Variants in PDGFD observed in about 807,000 individuals in gnomAD.
PDGFD encodes platelet derived growth factor D.
A neutral mutation model predicts 44.7 loss-of-function variants in PDGFD; 30 were observed. The ratio of observed to expected loss-of-function variants is 0.67; its 90% CI spans 0.50 to 0.91. The LOEUF (loss-of-function observed/expected upper bound fraction) is 0.91, where lower values mean the gene tolerates loss of function less well. Among genes scored for constraint, PDGFD ranks in the 40% least tolerant of loss-of-function variants. The probability of loss-of-function intolerance (pLI) is 0.00; values close to 1 mark genes in which losing one functional copy is unlikely to be tolerated. For missense variants in PDGFD, 445 were observed against 457.8 expected, an observed-to-expected ratio of 0.97 and a Z score of 0.25; for synonymous variants, 173 against 168.4, an observed-to-expected ratio of 1.03 and a Z score of -0.21.
chr11:103,943,739 C>G, intron 4 of PDGFD, 89 bp from the exon 5 acceptor site: 1 of 1,113,316 alleles, frequency 9.0e-7, no homozygotes, highest in Non-Finnish European at 1.3e-6. Flanking sequence ...GGAACATAAA[C>G]AGGCTTCTGA....
chr11:104,039,463 GTA>G (rs200249428), intron 1 of PDGFD, among the ~76,000 whole-genome samples: 4,302 of 151,998 alleles, frequency 0.028, 109 homozygotes, highest in East Asian at 0.14. Context: ...TTGCTTCTTG[GTA>G]ATACTAATCA....
Position 104,027,264 on chromosome 11 carries a change from G to T in PDGFD, c.125-27009C>A, listed in dbSNP as rs115411856. On this transcript the variant is annotated intron_variant, in intron 1 of 6. Transcript: ENST00000393158. The stretch of plus-strand genomic sequence containing the variant: ...ATCCTGGAATGAATGCAAGGTTGAA[G>T]GCAGCTGTGACAGTTCTGACAGCAC... 2.9e-3 allele frequency among the ~76,000 whole-genome samples: 445 copies of T among 152,304 alleles called. 2 individuals carry two copies. The highest frequency in any genetic ancestry group is 0.01 in the African/African-American group (430 of 41,564).
At chr11:104,002,009 G>A (rs571275098) in intron 1 of PDGFD, among the ~76,000 whole-genome samples, 13 of 152,268 alleles carry the variant, frequency 8.5e-5, no homozygotes, top group South Asian at 8.3e-4. Context: ...AGACAGAGTC[G>A]TAGGAAAAGC....
At chr11:104,084,732 GATATATGTA>G (rs1453103972) in intron 1 of PDGFD, among the ~76,000 whole-genome samples, 6 of 120,424 alleles carry the variant, frequency 5.0e-5, no homozygotes, top group African/African-American at 2.6e-4. Flanking sequence ...ATATAATACA[GATATATGTA>G]ATATATTATA....
At chr11:104,080,600 CG>C (rs1359918010) in intron 1 of PDGFD, among the ~76,000 whole-genome samples, 8 of 152,096 alleles carry the variant, frequency 5.3e-5, no homozygotes, top group Non-Finnish European at 8.8e-5. Context: ...TATACTCTGG[CG>C]TATGTTGGAG....
At chr11:103,998,277 G>A in intron 2 of PDGFD, among the ~76,000 whole-genome samples, 1 of 152,028 alleles carries the variant, frequency 6.6e-6, no homozygotes, top group East Asian at 1.9e-4. Flanking sequence ...TACCTGTTGG[G>A]AGGCCCCGAG....
intron 1 of PDGFD, among the ~76,000 whole-genome samples, chr11:104,155,000 G>A (rs1002688289): frequency 6.6e-6 from 1 of 152,150 alleles, no homozygotes; most frequent in Non-Finnish European, 1.5e-5. Context: ...TGTTTTCTAT[G>A]TTTTCATCCA....
At chr11:104,105,878 T>C (rs1414695869) in intron 1 of PDGFD, among the ~76,000 whole-genome samples, 4 of 152,068 alleles carry the variant, frequency 2.6e-5, no homozygotes, top group African/African-American at 7.2e-5. Context: ...AAAGTAAACT[T>C]CTAAGTGTTA....
At chr11:104,115,215 A>T (rs1861616038) in intron 1 of PDGFD, among the ~76,000 whole-genome samples, 1 of 151,206 alleles carries the variant, frequency 6.6e-6, no homozygotes, top group Non-Finnish European at 1.5e-5. Flanking sequence ...CTCACCATGA[A>T]TGCCATTAAT....
At chr11:104,159,153 CAAA>C (rs765727400) in intron 1 of PDGFD, among the ~76,000 whole-genome samples, 2 of 66,576 alleles carry the variant, frequency 3.0e-5, no homozygotes, top group East Asian at 9.2e-4. Context: ...GACTCCATCT[CAAA>C]AAAAAAAAAA....
intron 1 of PDGFD, among the ~76,000 whole-genome samples, chr11:104,047,851 C>T (rs776159266): frequency 2.6e-5 from 4 of 151,970 alleles, no homozygotes; most frequent in African/African-American, 7.2e-5. Flanking sequence ...ATCCTTTAGT[C>T]GAGCCACCAT....
chr11:104,120,843 C>T (rs1861769185), intron 1 of PDGFD, among the ~76,000 whole-genome samples: 1 of 151,846 alleles, frequency 6.6e-6, no homozygotes, highest in South Asian at 2.1e-4. Context: ...GTGATTTTTT[C>T]CCCCTTTGTA....
At chr11:104,108,635 CAG>C (rs1413898041) in intron 1 of PDGFD, among the ~76,000 whole-genome samples, 4 of 152,194 alleles carry the variant, frequency 2.6e-5, no homozygotes, top group African/African-American at 9.7e-5. Context: ...CTGTAGAAGA[CAG>C]TGTGGCGATT....
At chr11:103,931,270 T>C (rs1858395298) in intron 5 of PDGFD, among the ~76,000 whole-genome samples, 4 of 152,238 alleles carry the variant, frequency 2.6e-5, no homozygotes, top group South Asian at 4.1e-4. Flanking sequence ...TCAAGGTATG[T>C]AAAGGTAAGT....
chr11:104,023,654 G>A (rs1412718320), intron 1 of PDGFD, among the ~76,000 whole-genome samples: 4 of 152,074 alleles, frequency 2.6e-5, no homozygotes, highest in Non-Finnish European at 4.4e-5. Context: ...ACTTTTTCAT[G>A]AAACACATTA....
In PDGFD at chr11:103,927,371, G is replaced by A. The variant is rs182107290; in HGVS notation, c.773-245C>T. 5.3e-5 allele frequency among the ~76,000 whole-genome samples: 8 copies of A among 152,288 alleles called. No individual in the cohort carries two copies. In the East Asian group the frequency reaches 1.3e-3, roughly 26 times the overall value. On this transcript the variant is annotated intron_variant, in intron 5 of 6. Coordinates refer to ENST00000393158, the MANE Select transcript of PDGFD (RefSeq NM_025208.5). ...AACAAAAACCTTGGCTAAAATTCAT[G>A]TCTTGGTTCAAATTTCCTTGCATCT...
chr11:104,003,140 G>C (rs1859645530), intron 1 of PDGFD, among the ~76,000 whole-genome samples: 1 of 152,210 alleles, frequency 6.6e-6, no homozygotes, highest in Admixed American at 6.5e-5. Context: ...AATGTAAACA[G>C]GCAAAAGGGA....
At chr11:104,105,529 A>C (rs1791602315) in intron 1 of PDGFD, among the ~76,000 whole-genome samples, 2 of 152,192 alleles carry the variant, frequency 1.3e-5, no homozygotes, top group Admixed American at 6.6e-5. Context: ...AGACTAAAAG[A>C]AAAAAGGATA....
chr11:104,163,730 A>G (rs1862422824), intron 1 of PDGFD, 74 bp downstream of exon 1: 6 of 1,434,096 alleles, frequency 4.2e-6, no homozygotes, highest in East Asian at 2.4e-5. Flanking sequence ...AAGAAAGGGG[A>G]AAAACATAGA....
Sources: gnomAD v4.1 joint callset for allele counts (sites outside exome capture counted in the v4.1 genomes callset) on GRCh38, gnomAD v4.1.1 for gene constraint, MANE v1.5 for transcripts, NCBI Gene and HGNC (gene_info 2026-07-23, HGNC 2026-07-21) for gene names.